PRKG2: variants seen among roughly 807,000 people sequenced by gnomAD.
The protein encoded by PRKG2 is cGMP-dependent protein kinase 2.
PRKG2 carries 33 observed loss-of-function variants against 97.2 expected under a neutral mutation model. The ratio of observed to expected loss-of-function variants is 0.34; its 90% CI spans 0.26 to 0.45. PRKG2 has a LOEUF of 0.45. Among genes scored for constraint, PRKG2 ranks in the 20% least tolerant of loss-of-function variants. PRKG2 has a pLI of 1.00. For missense variants in PRKG2, 638 were observed against 900.0 expected (o/e 0.71, Z 3.73); for synonymous variants, 330 against 321.8 (o/e 1.03, Z -0.27).
chr4:81,189,054 TA>T (rs1462589613), intron 2 of PRKG2, among the ~76,000 whole-genome samples: 31 of 10,766 alleles, frequency 2.9e-3, no homozygotes, highest in South Asian at 4.2e-3. Context: ...AAAAAAAGAT[TA>T]AAAAAAATAA....
intron 17 of PRKG2, among the ~76,000 whole-genome samples, chr4:81,102,738 G>A (rs536895038): frequency 4.6e-5 from 7 of 152,102 alleles, no homozygotes; most frequent in East Asian, 1.9e-4. Context: ...GCTTTATGTC[G>A]AGTAAGTTCA....
intron 2 of PRKG2, among the ~76,000 whole-genome samples, chr4:81,191,674 C>T (rs1041354542): frequency 3.3e-5 from 5 of 152,052 alleles, no homozygotes; most frequent in African/African-American, 9.7e-5. Context: ...TTTATGACAA[C>T]AGTTGTACTA....
At chr4:81,114,287 G>A (rs185295422) in intron 14 of PRKG2, among the ~76,000 whole-genome samples, 27 of 151,000 alleles carry the variant, frequency 1.8e-4, no homozygotes, top group Admixed American at 8.6e-4. Flanking sequence ...TACCCCTATA[G>A]CATTTGCAAC....
intron 2 of PRKG2, among the ~76,000 whole-genome samples, chr4:81,185,281 T>C (rs1257585361): frequency 2.5e-4 from 38 of 152,164 alleles, no homozygotes; most frequent in Admixed American, 2.5e-3. Flanking sequence ...TGGATCTCTG[T>C]GTAGAAACCG....
At chr4:81,208,795 T>C (rs1180773560) in intron 1 of PRKG2, among the ~76,000 whole-genome samples, 2 of 152,054 alleles carry the variant, frequency 1.3e-5, no homozygotes, top group Non-Finnish European at 2.9e-5. Context: ...AAAGAAGTCA[T>C]TTGGAAACAA....
At chr4:81,102,711 A>G (rs960489291) in intron 17 of PRKG2, among the ~76,000 whole-genome samples, 11 of 152,180 alleles carry the variant, frequency 7.2e-5, no homozygotes, top group Admixed American at 3.3e-4. Flanking sequence ...ATATGAATTT[A>G]CAGTATTGAA....
chr4:81,162,455 G>T (rs1258150610), intron 6 of PRKG2, among the ~76,000 whole-genome samples: 5 of 152,078 alleles, frequency 3.3e-5, no homozygotes, highest in African/African-American at 1.2e-4. Flanking sequence ...AATTATAATG[G>T]CATGGCCCAC....
At chr4:81,191,311 T>C (rs529890008) in intron 2 of PRKG2, among the ~76,000 whole-genome samples, 2 of 152,096 alleles carry the variant, frequency 1.3e-5, no homozygotes, top group Non-Finnish European at 2.9e-5. Context: ...GAAACCATCA[T>C]TCTCAGCAAA....
intron 2 of PRKG2, chr4:81,176,181 C>G (rs1247182621): frequency 6.6e-6 from 1 of 152,008 alleles, no homozygotes; most frequent in Admixed American, 6.6e-5. Context: ...TATTTGAGTG[C>G]CTTGAGAAGT....
At chr4:81,156,890 A>G (rs1262024179) in intron 6 of PRKG2, among the ~76,000 whole-genome samples, 1 of 152,224 alleles carries the variant, frequency 6.6e-6, no homozygotes, top group Non-Finnish European at 1.5e-5. Flanking sequence ...ACAAGAACAA[A>G]GACACAGCAT....
chr4:81,096,058 TC>T (rs1457450663), intron 17 of PRKG2, among the ~76,000 whole-genome samples: 1 of 152,186 alleles, frequency 6.6e-6, no homozygotes, highest in Non-Finnish European at 1.5e-5. Context: ...AGGTGGAAGG[TC>T]ATGCCTTGGT....
chr4:81,204,530 T>C, intron 2 of PRKG2, 57 bp downstream of exon 2: 2 of 1,472,594 alleles, frequency 1.4e-6, no homozygotes, highest in Non-Finnish European at 1.9e-6. Context: ...TAAATGTCAC[T>C]CTCATATTTC....
At chr4:81,109,443 G>T (rs1743684756) in intron 15 of PRKG2, among the ~76,000 whole-genome samples, 2 of 152,130 alleles carry the variant, frequency 1.3e-5, no homozygotes, top group Non-Finnish European at 2.9e-5. Context: ...ACCAGAAATG[G>T]AGCTAGAAAA....
chr4:81,217,017 T>C (rs1000714390), upstream of PRKG2, among the ~76,000 whole-genome samples: 2 of 136,414 alleles, frequency 1.5e-5, no homozygotes, highest in Non-Finnish European at 3.0e-5. Flanking sequence ...CCATAGTGTG[T>C]GTGTATATAT....
chr4:81,202,034 T>G (rs1401738418), intron 2 of PRKG2, among the ~76,000 whole-genome samples: 1 of 152,200 alleles, frequency 6.6e-6, no homozygotes, highest in Non-Finnish European at 1.5e-5. Context: ...TTATGACTGA[T>G]GATCTTAAAA....
At position 81,165,986 on chromosome 4, in the gene PRKG2, G is replaced by C. The variant is rs559996852; in HGVS notation, c.912+1175C>G. ...AAAAAAAAAACACCCTTAGAAATTA[G>C]GATGAATTATTAATTTGTAACATCT... On this transcript the variant is annotated intron_variant, in intron 6 of 18. Transcript: ENST00000264399. Among the ~76,000 whole-genome samples the C allele has an allele frequency of 2.0e-5, 3 of 151,972 alleles. No homozygotes were observed. The East Asian group carries it at 5.8e-4, about 29-fold the overall frequency.
chr4:81,205,890 G>T (rs888724382), intron 1 of PRKG2, among the ~76,000 whole-genome samples: 1 of 152,198 alleles, frequency 6.6e-6, no homozygotes, highest in Non-Finnish European at 1.5e-5. Flanking sequence ...GTCTCTGGAT[G>T]TGGTATGCAG....
chr4:81,177,929 T>G (rs1209646496), intron 2 of PRKG2, among the ~76,000 whole-genome samples: 1 of 151,804 alleles, frequency 6.6e-6, no homozygotes, highest in Non-Finnish European at 1.5e-5. Flanking sequence ...CAGTTGCTGC[T>G]TTTCAGGCAG....
At position 81,088,565 on chromosome 4, in the gene PRKG2, G is replaced by C. The variant is rs1202389635; in HGVS notation, c.*1143C>G. ...ATTATTTGGGAGAGTGCAAGGAAGG[G>C]ATAGGAGGGATGCTGTTGTCCCTTT... On this transcript the variant is annotated 3_prime_UTR_variant, in exon 19 of 19. Transcript: ENST00000264399. The C allele has an allele frequency of 6.6e-6, 1 of 152,126 alleles. No homozygotes were observed. Among genetic ancestry groups the C allele is most frequent in the East Asian group, 1.9e-4 (1 of 5,194 alleles). 9.4% of individuals were successfully genotyped at this position (152,126 alleles called of 1,614,324 possible).
Sources: gnomAD v4.1 joint callset for allele counts (sites outside exome capture counted in the v4.1 genomes callset) on GRCh38, gnomAD v4.1.1 for gene constraint, MANE v1.5 for transcripts, NCBI Gene and HGNC (gene_info 2026-07-23, HGNC 2026-07-21) for gene names.